Variants in LRMDA observed in about 807,000 individuals in gnomAD.
The protein encoded by LRMDA is leucine-rich melanocyte differentiation-associated protein.
In LRMDA, 18 loss-of-function variants were observed where a neutral mutation model predicts 29.8. That is an observed-to-expected ratio of 0.60 (90% CI 0.42 to 0.90). The LOEUF is 0.90. Ranked by LOEUF, LRMDA falls within the 40% of genes least tolerant of loss-of-function variation. The probability of loss-of-function intolerance (pLI) is 0.00; values close to 1 mark genes in which losing one functional copy is unlikely to be tolerated. For synonymous variants in LRMDA, 125 were observed against 109.4 expected (o/e 1.14, Z -0.89); for missense variants, 273 against 273.9 (o/e 1.00, Z 0.02).
At chr10:76,310,210 G>A (rs948927019) in intron 5 of LRMDA, among the ~76,000 whole-genome samples, 5 of 152,088 alleles carry the variant, frequency 3.3e-5, no homozygotes, top group South Asian at 4.1e-4. Flanking sequence ...ATTTTCTGGC[G>A]TTCAGTAGTC....
At chr10:76,001,335 T>A (rs1847559423) in intron 2 of LRMDA, among the ~76,000 whole-genome samples, 1 of 152,144 alleles carries the variant, frequency 6.6e-6, no homozygotes, top group African/African-American at 2.4e-5. Flanking sequence ...CTTCAAAACC[T>A]TTGAACATCC....
intron 2 of LRMDA, among the ~76,000 whole-genome samples, chr10:75,545,056 A>C (rs945028459): frequency 3.3e-5 from 5 of 151,656 alleles, no homozygotes; most frequent in African/African-American, 1.2e-4. Flanking sequence ...CAGTGTGGGG[A>C]GGCATTCTCC....
chr10:76,352,383 G>A (rs1246619238), intron 6 of LRMDA, among the ~76,000 whole-genome samples: 1 of 152,096 alleles, frequency 6.6e-6, no homozygotes, highest in Admixed American at 6.6e-5. Context: ...CCATTATTAA[G>A]TAAAATAGGG....
At chr10:76,137,592 G>A (rs1369630520) in intron 5 of LRMDA, among the ~76,000 whole-genome samples, 2 of 152,090 alleles carry the variant, frequency 1.3e-5, no homozygotes, top group Admixed American at 1.3e-4. Flanking sequence ...GCCCTCCTGG[G>A]AGTCAGGAGA....
intron 2 of LRMDA, among the ~76,000 whole-genome samples, chr10:75,680,966 A>G (rs908017184): frequency 1.3e-5 from 2 of 152,170 alleles, no homozygotes; most frequent in East Asian, 1.9e-4. Context: ...ATTATTTTGT[A>G]GGGAGAAAGT....
Position 75,714,094 on chromosome 10 carries a change from A to G in LRMDA, c.131+275600A>G, listed in dbSNP as rs1031181038. Among the ~76,000 whole-genome samples, 92 of 152,306 alleles carry G rather than the reference A, an allele frequency of 6.0e-4. 1 individual carries two copies. The highest frequency in any genetic ancestry group is 2.1e-3 in the African/African-American group (88 of 41,564). ...GAGTTCTAAGAAATTTCAGCCCTAGAAGGCCCCCAGAATGCATGAACAGCT... is the reference window on the plus strand; with the variant it reads ...GAGTTCTAAGAAATTTCAGCCCTAGGAGGCCCCCAGAATGCATGAACAGCT... On this transcript the variant is annotated intron_variant, in intron 2 of 6. Coordinates refer to ENST00000611255, the MANE Select transcript of LRMDA (RefSeq NM_001305581.2).
chr10:75,699,275 A>G (rs1198169838), intron 2 of LRMDA, among the ~76,000 whole-genome samples: 1 of 152,122 alleles, frequency 6.6e-6, no homozygotes, highest in African/African-American at 2.4e-5. Context: ...GTCCTCACAG[A>G]TATGTTTGGC....
intron 2 of LRMDA, among the ~76,000 whole-genome samples, chr10:75,884,188 G>A (rs1845340755): frequency 6.6e-6 from 1 of 150,566 alleles, no homozygotes; most frequent in South Asian, 2.1e-4. Context: ...TTTCACAATA[G>A]AGTTCAATGA....
At chr10:76,097,732 A>T (rs965793555) in intron 5 of LRMDA, among the ~76,000 whole-genome samples, 1 of 151,980 alleles carries the variant, frequency 6.6e-6, no homozygotes, top group Non-Finnish European at 1.5e-5. Context: ...TTGATTTTTG[A>T]ATATTGAACC....
chr10:76,129,402 G>C (rs1849945061), intron 5 of LRMDA, among the ~76,000 whole-genome samples: 3 of 152,170 alleles, frequency 2.0e-5, no homozygotes, highest in African/African-American at 4.8e-5. Flanking sequence ...GTGGGTAGAA[G>C]ACTATTTATA....
At chr10:75,852,437 G>T (rs561668336) in intron 2 of LRMDA, among the ~76,000 whole-genome samples, 1 of 151,984 alleles carries the variant, frequency 6.6e-6, no homozygotes. Flanking sequence ...TAATTGGATG[G>T]TAGGAAATGT....
At chr10:75,714,640 T>G (rs777248225) in intron 2 of LRMDA, among the ~76,000 whole-genome samples, 11 of 152,264 alleles carry the variant, frequency 7.2e-5, no homozygotes, top group Non-Finnish European at 1.6e-4. Flanking sequence ...ATTTTCTCTG[T>G]CAGTCTCATG....
intron 2 of LRMDA, among the ~76,000 whole-genome samples, chr10:75,961,610 C>T (rs151021243): frequency 1.9e-4 from 29 of 152,140 alleles, no homozygotes; most frequent in Non-Finnish European, 3.4e-4. Context: ...ACTTCTCAGT[C>T]GAGGGGTATA....
chr10:76,054,266 C>T (rs1389104965), intron 4 of LRMDA, among the ~76,000 whole-genome samples: 1 of 152,114 alleles, frequency 6.6e-6, no homozygotes, highest in Non-Finnish European at 1.5e-5. Flanking sequence ...CAAGCAGCAA[C>T]CACTTGGAAA....
chr10:75,755,962 G>A (rs185852615), intron 2 of LRMDA, among the ~76,000 whole-genome samples: 4 of 152,360 alleles, frequency 2.6e-5, no homozygotes, highest in Admixed American at 6.5e-5. Flanking sequence ...CTGGCATGTG[G>A]AGAATGGATT....
intron 5 of LRMDA, among the ~76,000 whole-genome samples, chr10:76,295,565 C>T (rs1324931686): frequency 6.6e-6 from 1 of 152,224 alleles, no homozygotes; most frequent in Non-Finnish European, 1.5e-5. Context: ...GCTGCCGCCA[C>T]CTCTTTGGGT....
intron 2 of LRMDA, among the ~76,000 whole-genome samples, chr10:75,619,097 G>A (rs189753425): frequency 2.6e-4 from 40 of 152,086 alleles, no homozygotes; most frequent in African/African-American, 9.4e-4. Context: ...GCACCCGGCC[G>A]AAAATATATT....
At chr10:76,220,297 A>G (rs1019418629) in intron 5 of LRMDA, among the ~76,000 whole-genome samples, 1 of 152,220 alleles carries the variant, frequency 6.6e-6, no homozygotes, top group African/African-American at 2.4e-5. Context: ...TAGAGACACA[A>G]AAATACCTTC....
chr10:75,700,536 C>T (rs1458243108), intron 2 of LRMDA, among the ~76,000 whole-genome samples: 3 of 151,148 alleles, frequency 2.0e-5, no homozygotes, highest in Admixed American at 2.0e-4. Flanking sequence ...CCTGGGTTCA[C>T]GCCATTTTCC....
Sources: gnomAD v4.1 joint callset for allele counts (sites outside exome capture counted in the v4.1 genomes callset) on GRCh38, gnomAD v4.1.1 for gene constraint, MANE v1.5 for transcripts, NCBI Gene and HGNC (gene_info 2026-07-23, HGNC 2026-07-21) for gene names.